Variants in SLC39A11 observed in about 807,000 individuals in gnomAD.
SLC39A11 encodes solute carrier family 39 member 11.
Under a neutral mutation model 36.1 loss-of-function variants are expected in SLC39A11, and 33 were observed. The ratio of observed to expected loss-of-function variants is 0.91; its 90% CI spans 0.69 to 1.22. SLC39A11 has a LOEUF of 1.22. Among genes scored for constraint, SLC39A11 ranks in the 50% most tolerant of loss-of-function variants. SLC39A11 has a pLI of 0.00. For missense variants in SLC39A11, 432 were observed against 430.3 expected, an observed-to-expected ratio of 1.00 and a Z score of -0.03; for synonymous variants, 166 against 170.3, an observed-to-expected ratio of 0.97 and a Z score of 0.20.
rs200223441 is a variant in SLC39A11 at position 72,708,968 on chromosome 17, C to T, written c.671+27682G>A. Among the ~76,000 whole-genome samples the T allele has an allele frequency of 2.4e-4, 37 of 151,118 alleles. No homozygotes were observed. In the East Asian group the frequency reaches 3.1e-3, roughly 13 times the overall value. On this transcript the variant is annotated intron_variant, in intron 7 of 9. Transcript: ENST00000255559. Reference sequence around the variant, plus strand: ...TTTTTTTTTTTGAGACGGAGTCTCGCGCTGTTGCCCAGGCTGGAGTGCAGT... The same window carrying T: ...TTTTTTTTTTTGAGACGGAGTCTCGTGCTGTTGCCCAGGCTGGAGTGCAGT...
chr17:72,692,472 C>T (rs534559958), intron 7 of SLC39A11, among the ~76,000 whole-genome samples: 11 of 152,078 alleles, frequency 7.2e-5, no homozygotes, highest in Non-Finnish European at 1.2e-4. Context: ...AGAATCATGG[C>T]GGAAGGCAAA....
chr17:72,658,135 C>T (rs1416113163), intron 7 of SLC39A11, among the ~76,000 whole-genome samples: 2 of 152,202 alleles, frequency 1.3e-5, no homozygotes, highest in East Asian at 3.9e-4. Flanking sequence ...GTGGGGAAGG[C>T]GCTGGGCCTG....
intron 4 of SLC39A11, among the ~76,000 whole-genome samples, chr17:73,026,180 A>AAG (rs1568146215): frequency 5.1e-4 from 20 of 39,442 alleles, no homozygotes; most frequent in African/African-American, 1.6e-3. Flanking sequence ...GGAGAGGAGA[A>AAG]AGAGAAGAGA....
At chr17:72,821,298 T>C (rs1486502490) in intron 6 of SLC39A11, among the ~76,000 whole-genome samples, 2 of 150,046 alleles carry the variant, frequency 1.3e-5, no homozygotes, top group Non-Finnish European at 3.0e-5. Context: ...AGGTCGGAAA[T>C]TGGAGACCTG....
intron 3 of SLC39A11, among the ~76,000 whole-genome samples, chr17:73,049,305 T>C (rs186165370): frequency 9.2e-4 from 140 of 152,232 alleles, no homozygotes; most frequent in Non-Finnish European, 1.4e-3. Context: ...CAGAGCGCTA[T>C]GCGAAAGGAT....
intron 3 of SLC39A11, among the ~76,000 whole-genome samples, chr17:73,053,555 T>C (rs557401658): frequency 8.8e-4 from 134 of 152,316 alleles, no homozygotes; most frequent in Non-Finnish European, 1.5e-3. Flanking sequence ...ACAGCAATCC[T>C]ATACAGGAGA....
chr17:72,954,075 C>T (rs1180780587), intron 4 of SLC39A11, among the ~76,000 whole-genome samples: 3 of 152,176 alleles, frequency 2.0e-5, no homozygotes, highest in Non-Finnish European at 4.4e-5. Context: ...GAGACAGAGT[C>T]TCACTCTGTT....
At chr17:73,077,046 G>A (rs1164335670) in intron 3 of SLC39A11, among the ~76,000 whole-genome samples, 6 of 151,888 alleles carry the variant, frequency 4.0e-5, no homozygotes, top group Non-Finnish European at 4.4e-5. Flanking sequence ...CATTGCCCTC[G>A]GTTAAGAGTT....
chr17:72,705,463 T>A (rs1322318856), intron 7 of SLC39A11, among the ~76,000 whole-genome samples: 1 of 152,206 alleles, frequency 6.6e-6, no homozygotes, highest in Non-Finnish European at 1.5e-5. Context: ...AATTCTCTCA[T>A]CCACAGCCAC....
chr17:72,832,806 G>A (rs1057023534), intron 6 of SLC39A11, among the ~76,000 whole-genome samples: 10 of 152,156 alleles, frequency 6.6e-5, no homozygotes, highest in African/African-American at 2.4e-4. Context: ...ACTAAAATTC[G>A]CATATATGAA....
At chr17:72,958,807 T>C (rs2086410017) in intron 4 of SLC39A11, among the ~76,000 whole-genome samples, 1 of 149,692 alleles carries the variant, frequency 6.7e-6, no homozygotes, top group Non-Finnish European at 1.5e-5. Flanking sequence ...GCCAAGAATG[T>C]GCCACTGCAC....
At chr17:72,737,150 C>G (rs2074465659) in intron 6 of SLC39A11, among the ~76,000 whole-genome samples, 1 of 152,082 alleles carries the variant, frequency 6.6e-6, no homozygotes. Flanking sequence ...ATGGTGCACA[C>G]CTGTAATCCC....
chr17:72,732,294 G>T (rs907824554), intron 7 of SLC39A11, among the ~76,000 whole-genome samples: 2 of 152,182 alleles, frequency 1.3e-5, no homozygotes, highest in East Asian at 3.9e-4. Flanking sequence ...GATTATAGGC[G>T]TGAGCCACGG....
chr17:72,702,258 T>A (rs560514024), intron 7 of SLC39A11, among the ~76,000 whole-genome samples: 3 of 152,362 alleles, frequency 2.0e-5, no homozygotes, highest in African/African-American at 7.2e-5. Flanking sequence ...ACTGTTTTTT[T>A]CTTTAGGCAG....
At chr17:72,864,263 C>T (rs1598172421) in intron 5 of SLC39A11, among the ~76,000 whole-genome samples, 1 of 151,830 alleles carries the variant, frequency 6.6e-6, no homozygotes, top group Admixed American at 6.6e-5. Context: ...GCCTCATCCA[C>T]CAGATAGTTG....
In SLC39A11 at chr17:73,031,617, GC is replaced by G; in HGVS notation, c.244del (p.Ala82LeufsTer17). 6.2e-7 allele frequency: 1 copy of G among 1,614,178 alleles called. No individual in the cohort carries two copies. Among genetic ancestry groups the G allele is most frequent in the Non-Finnish European group, 8.5e-7 (1 of 1,180,026 alleles). On this transcript the variant is annotated frameshift_variant, in exon 4 of 10. Coordinates refer to ENST00000255559, the MANE Select transcript of SLC39A11 (RefSeq NM_139177.4). LOFTEE classifies it high-confidence loss of function. ...AGCCGCTCCAAGGGTGAAGCCAACA[GC>G]CACAGGGAAGAAGGCAAAGGCACCG... Reference protein sequence around the residue: ...GFGAFAFFPVAVGFTLGAAFV... With the variant: ...GFGAFAFFPVXVGFTLGAAFV...
chr17:72,795,799 G>A (rs1489796920), intron 6 of SLC39A11, among the ~76,000 whole-genome samples: 1 of 152,072 alleles, frequency 6.6e-6, no homozygotes, highest in Non-Finnish European at 1.5e-5. Context: ...AATCTGCAGG[G>A]TACTATCAGT....
chr17:72,895,317 A>C (rs1347325005), intron 5 of SLC39A11, among the ~76,000 whole-genome samples: 1 of 152,126 alleles, frequency 6.6e-6, no homozygotes, highest in Admixed American at 6.5e-5. Context: ...GCGGGCTCAC[A>C]CCTGTAATCC....
intron 6 of SLC39A11, among the ~76,000 whole-genome samples, chr17:72,836,515 A>AT (rs1454190615): frequency 5.3e-5 from 8 of 151,900 alleles, no homozygotes; most frequent in South Asian, 2.1e-4. Context: ...TAATTTTTGT[A>AT]TTTTTTGTAG....
Sources: gnomAD v4.1 joint callset for allele counts (sites outside exome capture counted in the v4.1 genomes callset) on GRCh38, gnomAD v4.1.1 for gene constraint, MANE v1.5 for transcripts, NCBI Gene and HGNC (gene_info 2026-07-23, HGNC 2026-07-21) for gene names.